Variants in KCNH4 observed in about 807,000 individuals in gnomAD.
KCNH4 encodes the protein potassium voltage-gated channel subfamily H member 4, also known as voltage-gated delayed rectifier potassium channel KCNH4.
A neutral mutation model predicts 90.7 loss-of-function variants in KCNH4; 33 were observed. The observed-to-expected ratio is 0.36, with a 90% confidence interval of 0.28 to 0.49. The LOEUF is 0.49. Among genes scored for constraint, KCNH4 ranks in the 20% least tolerant of loss-of-function variants. KCNH4 has a pLI of 0.98. For missense variants in KCNH4, 1,044 were observed against 1,387.1 expected, an observed-to-expected ratio of 0.75 and a Z score of 3.93; for synonymous variants, 551 against 581.7, an observed-to-expected ratio of 0.95 and a Z score of 0.76.
At position 42,160,338 on chromosome 17, in the gene KCNH4, G is replaced by T; in HGVS notation, c.2756C>A (p.Ala919Glu). 6.2e-7 allele frequency: 1 copy of T among 1,614,146 alleles called. No individual in the cohort carries two copies. Among genetic ancestry groups the T allele is most frequent in the Non-Finnish European group, 8.5e-7 (1 of 1,180,022 alleles). Residue 919 changes from alanine (A) to glutamate (E), a missense_variant, in exon 16 of 17, where the codon GCA becomes GAA. Ala to Glu is a moderately radical substitution (Grantham distance 107). Transcript: ENST00000264661. ...AGGGTCTGGGGTCCAAGCGGAGCCT[G>T]CTGGGTGGCCTGGGGGACCCAGCCT... ...QARLGPPGHP[A>E]GSAWTPDPPC...
intron 4 of KCNH4, 39 bp downstream of exon 4, chr17:42,178,061 G>A (rs368920499): frequency 6.2e-5 from 99 of 1,595,674 alleles, no homozygotes; most frequent in Non-Finnish European, 7.9e-5. Flanking sequence ...AATCAAGGCT[G>A]GAGGACTTGG....
intron 10 of KCNH4, 22 bp from the exon 11 acceptor site, chr17:42,165,715 A>G (rs777477513): frequency 1.9e-6 from 3 of 1,613,488 alleles, no homozygotes; most frequent in Non-Finnish European, 2.5e-6. Flanking sequence ...GGATGGGGAC[A>G]GTCAGCTGGG....
chr17:42,163,328 C>T lies in KCNH4; in HGVS notation c.2484G>A (p.Val828=), dbSNP rs2079761732. The change falls in exon 14 of 17, where the codon GTG becomes GTA. Residue 828 remains valine, a synonymous_variant. Coordinates refer to ENST00000264661, the MANE Select transcript of KCNH4 (RefSeq NM_012285.3). This position sits in a 1 kb window ranked among gnomAD's most constrained non-coding sequence, Gnocchi z 5.4. ...TGCTGCCAGAGTCCTCAATGCCATC[C>T]ACTATCCTGGGAACAGGGCAGTGCT... ...FGPPDLSPRI[V]DGIEDSGSTA... is the part of the protein sequence containing the mutation. 2.5e-6 allele frequency: 4 copies of T among 1,612,980 alleles called. No homozygotes were observed. The highest frequency in any genetic ancestry group is 2.5e-6 in the Non-Finnish European group (3 of 1,179,148).
At chr17:42,167,556 G>A (rs142092236) in intron 9 of KCNH4, among the ~76,000 whole-genome samples, 2,355 of 152,048 alleles carry the variant, frequency 0.015, 16 homozygotes, top group Middle Eastern at 0.024. Flanking sequence ...ATGAGCCACC[G>A]CACCCAGCCA....
intron 4 of KCNH4, 103 bp downstream of exon 4, chr17:42,177,997 G>A: frequency 6.8e-7 from 1 of 1,475,270 alleles, no homozygotes; most frequent in Non-Finnish European, 9.2e-7. Context: ...AGCAAGCCAA[G>A]GAGGGACACC....
chr17:42,173,413 G>A (rs144259104), intron 6 of KCNH4, among the ~76,000 whole-genome samples: 1 of 152,280 alleles, frequency 6.6e-6, no homozygotes, highest in Non-Finnish European at 1.5e-5. Flanking sequence ...GCCCTTGACT[G>A]CAAGCTTGAG....
chr17:42,164,075 C>T, intron 12 of KCNH4, 55 bp downstream of exon 12: 2 of 1,531,834 alleles, frequency 1.3e-6, no homozygotes, highest in Non-Finnish European at 1.8e-6. Flanking sequence ...GATGCTGCTA[C>T]CCATCTCACC....
At position 42,157,464 on chromosome 17, in the gene KCNH4, G is replaced by A. The variant is rs746387470; in HGVS notation, c.*310-346C>T. Among the ~76,000 whole-genome samples the A allele has an allele frequency of 6.2e-4, 94 of 152,136 alleles. 2 individuals are homozygous for A. The highest frequency in any genetic ancestry group is 2.6e-4 in the Admixed American group (4 of 15,270). On this transcript the variant is annotated intron_variant, in intron 16 of 16. Transcript: ENST00000264661. The stretch of plus-strand genomic sequence containing the variant: ...AACAAGGGAAGCTAGCTGGGTGTCG[G>A]GAGATGATCAAGAAACGTGGTGACT...
At position 42,163,403 on chromosome 17, in the gene KCNH4, G is replaced by A; in HGVS notation, c.2478-69C>T. 1 of 1,172,790 alleles carries A rather than the reference G, an allele frequency of 8.5e-7. No homozygotes were observed. Among genetic ancestry groups the A allele is most frequent in the Non-Finnish European group, 1.3e-6 (1 of 797,450 alleles). The allele number at this position is 1,172,790 out of a possible 1,614,324, so 72.6% of individuals were successfully genotyped here. On this transcript the variant is annotated intron_variant, in intron 13 of 16. Transcript: ENST00000264661. This position sits in a 1 kb window ranked among gnomAD's most constrained non-coding sequence, Gnocchi z 5.4. ...AGGGCCAGAGCAGAGCAGACAGAGG[G>A]GGACTGGGGGCAGCAGTGCCAGGGG... is the stretch of plus-strand genomic sequence containing the variant.
Position 42,180,711 on chromosome 17 carries a change from C to T in KCNH4, c.76+159G>A, listed in dbSNP as rs756504443. Among the ~76,000 whole-genome samples the T allele has an allele frequency of 2.6e-5, 4 of 152,032 alleles. No homozygotes were observed. The highest frequency in any genetic ancestry group is 4.4e-5 in the Non-Finnish European group (3 of 67,992). On this transcript the variant is annotated intron_variant, in intron 1 of 16. Transcript: ENST00000264661. This position sits in a 1 kb window ranked among gnomAD's most constrained non-coding sequence, Gnocchi z 4.7. ...CCCCTCCTCCCCTCGCAGGGCACTC[C>T]CCGCCCTGTTCCTGCACCGCGGCTT...
At chr17:42,166,753 GTCT>G (rs1370849304) in intron 9 of KCNH4, among the ~76,000 whole-genome samples, 5 of 152,126 alleles carry the variant, frequency 3.3e-5, no homozygotes, top group Admixed American at 2.0e-4. Context: ...CAGAGACCAG[GTCT>G]TCTCCCATCA....
At chr17:42,175,761 G>T in intron 5 of KCNH4, 25 bp from the exon 6 acceptor site, 2 of 1,613,002 alleles carry the variant, frequency 1.2e-6, no homozygotes, top group Non-Finnish European at 1.7e-6. Flanking sequence ...GGCTATTACT[G>T]GGGGGCCTTG....
In KCNH4 at chr17:42,163,796, C is replaced by T; in HGVS notation, c.2287G>A (p.Gly763Ser). 6.5e-7 allele frequency: 1 copy of T among 1,540,804 alleles called. No homozygotes were observed. The highest frequency in any genetic ancestry group is 2.4e-5 in the East Asian group (1 of 41,874). Reference protein sequence around the residue: ...RPRGSLVSLLGEELPPFSALV... With the variant: ...RPRGSLVSLLSEELPPFSALV... ...GCTGAGAATGGGGGCAGCTCCTCGC[C>T]CAAAAGGCTGACCAGGGAGCCCCGA... is the stretch of plus-strand genomic sequence containing the variant. The change falls in exon 13 of 17, where the codon GGC becomes AGC. Residue 763 changes from glycine to serine, a missense_variant. Gly to Ser is a moderately conservative substitution (Grantham distance 56). This residue lies in a region of KCNH4 where 441 missense variants were observed against 512.3 expected (regional missense o/e 0.86). Transcript: ENST00000264661. The surrounding 1 kb of genome is among the most constrained non-coding windows in gnomAD (Gnocchi z 5.4).
chr17:42,168,381 C>G (rs1454395530), intron 9 of KCNH4, among the ~76,000 whole-genome samples: 3 of 152,224 alleles, frequency 2.0e-5, no homozygotes, highest in Non-Finnish European at 4.4e-5. Flanking sequence ...TGTGGTGGTG[C>G]ACGCCTGTAA....
intron 6 of KCNH4, among the ~76,000 whole-genome samples, chr17:42,174,747 G>A (rs1322500657): frequency 1.3e-5 from 2 of 152,042 alleles, no homozygotes; most frequent in African/African-American, 2.4e-5. Flanking sequence ...TGCTGGCTGG[G>A]GCCACAGATG....
At position 42,163,684 on chromosome 17, in the gene KCNH4, C is replaced by T; in HGVS notation, c.2399G>A (p.Arg800Lys). 6.6e-7 allele frequency: 1 copy of T among 1,508,498 alleles called. No homozygotes were observed. The highest frequency in any genetic ancestry group is 8.9e-7 in the Non-Finnish European group (1 of 1,129,892). The allele number at this position is 1,508,498 out of a possible 1,614,324, so 93.4% of individuals were successfully genotyped here. Residue 800 changes from arginine to lysine, a missense_variant, in exon 13 of 17, where the codon AGG becomes AAG. Transcript: ENST00000264661. The surrounding 1 kb of genome is among the most constrained non-coding windows in gnomAD (Gnocchi z 5.4). ...AGGGGGCTTCCAGGCAGCAGAGCACCTGGGGGGGCCGTGAGGGGAGGCACT... is the reference window on the plus strand; with the variant it reads ...AGGGGGCTTCCAGGCAGCAGAGCACTTGGGGGGGCCGTGAGGGGAGGCACT... ...GHSASPHGPP[R>K]CSAAWKPPQL...
rs1270684966 is a variant in KCNH4 at position 42,160,308 on chromosome 17, CAAG to C, written c.2783_2785del (p.Pro928_Cys929delinsArg). On this transcript the variant is annotated inframe_deletion, in exon 16 of 17. Transcript: ENST00000264661. ...GAGGCATGGTGGCCTCAGCTGTGGA[CAAG>C]GAGGGTCTGGGGTCCAAGCGGAGCC... 16 of 1,613,986 alleles carry C rather than the reference CAAG, an allele frequency of 9.9e-6. No homozygotes were observed. The highest frequency in any genetic ancestry group is 1.3e-5 in the African/African-American group (1 of 74,888).
chr17:42,160,283 G>A lies in KCNH4; in HGVS notation c.2811C>T (p.Leu937=). The A allele has an allele frequency of 6.2e-7, 1 of 1,614,148 alleles. No homozygotes were observed. The highest frequency in any genetic ancestry group is 8.5e-7 in the Non-Finnish European group (1 of 1,180,018). The change falls in exon 16 of 17, where the codon CTC becomes CTT. Residue 937 remains leucine (L), a synonymous_variant. Coordinates refer to ENST00000264661, the MANE Select transcript of KCNH4 (RefSeq NM_012285.3). ...GTGGTGGTCTGGACGCACAAGGAGA[G>A]AGGCATGGTGGCCTCAGCTGTGGAC... ...PPCPQLRPPC[L]SPCASRPPPS...
chr17:42,177,355 T>G (rs1015939600), intron 4 of KCNH4, among the ~76,000 whole-genome samples: 1 of 151,488 alleles, frequency 6.6e-6, no homozygotes, highest in African/African-American at 2.4e-5. Flanking sequence ...GGCCTCCAGA[T>G]AATTTTTAAT....
Sources: allele counts gnomAD v4.1 joint callset (sites outside exome capture counted in the v4.1 genomes callset), GRCh38; gene constraint gnomAD v4.1.1; regional missense constraint gnomAD v4.1.1; non-coding constraint Gnocchi (gnomAD v3.1); transcripts MANE v1.5; gene names NCBI Gene and HGNC (gene_info 2026-07-23, HGNC 2026-07-21).